The following IPO5 variants were observed in gnomAD, a reference collection of about 807,000 sequenced individuals.
The protein encoded by IPO5 is importin-5.
IPO5 carries 18 observed loss-of-function variants against 143.3 expected under a neutral mutation model. That is an observed-to-expected ratio of 0.13 (90% CI 0.09 to 0.19). The LOEUF (loss-of-function observed/expected upper bound fraction) is 0.19. Among genes scored for constraint, IPO5 ranks in the 10% least tolerant of loss-of-function variants. The pLI is 1.00. For missense variants in IPO5, 1,013 were observed against 1,336.9 expected, an observed-to-expected ratio of 0.76 and a Z score of 3.78; for synonymous variants, 477 against 465.7, an observed-to-expected ratio of 1.02 and a Z score of -0.31.
chr13:98,000,785 A>G (rs1440054763), intron 13 of IPO5, 140 bp downstream of exon 13: 2 of 615,984 alleles, frequency 3.2e-6, no homozygotes, highest in Non-Finnish European at 5.8e-6. Context: ...TATTTTACCG[A>G]TAAAATTGTC....
chr13:98,000,718 T>C, intron 13 of IPO5, 73 bp downstream of exon 13: 1 of 941,004 alleles, frequency 1.1e-6, no homozygotes, highest in Non-Finnish European at 1.7e-6. Context: ...AAGATATGTT[T>C]AGACTGTTAA....
At chr13:98,017,332 T>A (rs780528801) in intron 25 of IPO5, among the ~76,000 whole-genome samples, 32 of 152,094 alleles carry the variant, frequency 2.1e-4, no homozygotes, top group Non-Finnish European at 4.4e-4. Flanking sequence ...TTTTGTTTGT[T>A]TGTTTGTTTG....
intron 6 of IPO5, among the ~76,000 whole-genome samples, chr13:97,988,849 T>C (rs1366795801): frequency 6.6e-6 from 1 of 151,256 alleles, no homozygotes; most frequent in Non-Finnish European, 1.5e-5. Context: ...TTGTTTGGTT[T>C]GTTGGTTTGT....
intron 2 of IPO5, among the ~76,000 whole-genome samples, chr13:97,968,325 C>G (rs576032586): frequency 1.6e-4 from 25 of 152,286 alleles, no homozygotes; most frequent in Admixed American, 1.5e-3. Context: ...GAGAATGTTC[C>G]ATATTCACTT....
At chr13:98,012,826 TTAAGA>T in intron 21 of IPO5, among the ~76,000 whole-genome samples, 1 of 107,452 alleles carries the variant, frequency 9.3e-6, no homozygotes, top group African/African-American at 4.2e-5. Context: ...TTTTTTTTTT[TTAAGA>T]GATAAGGTCT....
chr13:98,021,390 T>C (rs2139888914), intron 28 of IPO5: 1 of 370,766 alleles, frequency 2.7e-6, no homozygotes. Context: ...TTATGTGTAG[T>C]TTTTCTGCCT....
At chr13:97,965,324 T>C (rs1050212732) in intron 2 of IPO5, among the ~76,000 whole-genome samples, 4 of 152,124 alleles carry the variant, frequency 2.6e-5, no homozygotes, top group Non-Finnish European at 5.9e-5. Flanking sequence ...AACCTGCACG[T>C]TCTGCACATG....
At chr13:97,974,273 C>G (rs1290978373) in intron 3 of IPO5, among the ~76,000 whole-genome samples, 1 of 151,882 alleles carries the variant, frequency 6.6e-6, no homozygotes, top group Non-Finnish European at 1.5e-5. Flanking sequence ...TCACTGTTAA[C>G]CTAGTCATTT....
At chr13:98,007,002 A>T (rs535735156) in intron 17 of IPO5, among the ~76,000 whole-genome samples, 1 of 150,382 alleles carries the variant, frequency 6.6e-6, no homozygotes, top group Non-Finnish European at 1.5e-5. Flanking sequence ...GGTAGCTGAG[A>T]TTACAGGCAC....
intron 6 of IPO5, chr13:97,987,244 A>G (rs2761072): frequency 0.63 from 94,935 of 150,994 alleles, 31,208 homozygotes; most frequent in African/African-American, 0.85. Context: ...AAGAGAGTGT[A>G]GCCACCACTT....
chr13:97,968,226 C>T (rs1420404178), intron 2 of IPO5, among the ~76,000 whole-genome samples: 1 of 152,168 alleles, frequency 6.6e-6, no homozygotes, highest in Non-Finnish European at 1.5e-5. Context: ...TAATTTTATT[C>T]TGTTGTGGTC....
chr13:98,010,322 C>A, intron 20 of IPO5, 98 bp downstream of exon 20: 1 of 1,062,750 alleles, frequency 9.4e-7, no homozygotes. Context: ...CTTTGGAGAG[C>A]CAGTAATATG....
At chr13:97,959,843 G>A (rs76923679) in intron 2 of IPO5, among the ~76,000 whole-genome samples, 1,602 of 152,226 alleles carry the variant, frequency 0.011, 20 homozygotes, top group Non-Finnish European at 0.018. Flanking sequence ...TATCTTATCA[G>A]TTTACTTGTT....
intron 2 of IPO5, among the ~76,000 whole-genome samples, chr13:97,959,690 C>T (rs948676991): frequency 6.6e-5 from 10 of 152,104 alleles, no homozygotes; most frequent in Non-Finnish European, 1.3e-4. Flanking sequence ...GCCTAGATAG[C>T]GCCACTGCAC....
chr13:97,981,825 CT>C (rs1451869582), intron 4 of IPO5, among the ~76,000 whole-genome samples: 1 of 152,130 alleles, frequency 6.6e-6, no homozygotes, highest in East Asian at 1.9e-4. Flanking sequence ...TTGGTGTCAA[CT>C]TTTTATTGTT....
At chr13:98,020,865 A>G in intron 27 of IPO5, 127 bp from the exon 28 acceptor site, 1 of 667,428 alleles carries the variant, frequency 1.5e-6, no homozygotes, top group Non-Finnish European at 2.5e-6. Context: ...AAGAAACTAA[A>G]GAGTTCATAT....
intron 27 of IPO5, among the ~76,000 whole-genome samples, chr13:98,020,328 A>AC (rs1191398211): frequency 1.3e-5 from 2 of 152,224 alleles, no homozygotes; most frequent in East Asian, 1.9e-4. Context: ...GGCTACAACC[A>AC]CTGCCACTAT....
intron 2 of IPO5, among the ~76,000 whole-genome samples, chr13:97,956,476 A>T (rs1484776421): frequency 6.6e-6 from 1 of 152,218 alleles, no homozygotes; most frequent in Non-Finnish European, 1.5e-5. Flanking sequence ...ATTTTCATAA[A>T]GCAATACATT....
In IPO5 at chr13:98,021,895, T is replaced by G. The variant is rs1890521786; in HGVS notation, c.*73T>G. 3 of 1,125,966 alleles carry G rather than the reference T, an allele frequency of 2.7e-6. No individual in the cohort carries two copies. Among genetic ancestry groups the G allele is most frequent in the Non-Finnish European group, 3.9e-6 (3 of 765,878 alleles). The allele number at this position is 1,125,966 out of a possible 1,614,324, so 69.7% of individuals were successfully genotyped here. On this transcript the variant is annotated 3_prime_UTR_variant, in exon 29 of 29. Transcript: ENST00000651721. ...ACCCTTTCCTTTAGGTTTCTTTGTTTTGTTTTTGAGCAAAAGAGATCGGTA... is the reference window on the plus strand; with the variant it reads ...ACCCTTTCCTTTAGGTTTCTTTGTTGTGTTTTTGAGCAAAAGAGATCGGTA...
Sources: allele counts gnomAD v4.1 joint callset (sites outside exome capture counted in the v4.1 genomes callset), GRCh38; gene constraint gnomAD v4.1.1; transcripts MANE v1.5; gene names NCBI Gene and HGNC (gene_info 2026-07-23, HGNC 2026-07-21).